The following THSD4 variants were observed in gnomAD, a reference collection of about 807,000 sequenced individuals.
THSD4 encodes the protein thrombospondin type 1 domain containing 4.
In THSD4, 69 loss-of-function variants were observed where a neutral mutation model predicts 119.0. The ratio of observed to expected loss-of-function variants is 0.58; its 90% CI spans 0.48 to 0.71. The LOEUF (loss-of-function observed/expected upper bound fraction) is 0.71. THSD4 is among the 30% of genes least tolerant of loss of function. The pLI, the probability that THSD4 is intolerant of heterozygous loss-of-function variation, is 0.00. For synonymous variants in THSD4, 524 were observed against 540.4 expected (o/e 0.97, Z 0.42); for missense variants, 1,393 against 1,391.1 (o/e 1.00, Z -0.02).
At chr15:71,434,399 CAG>C (rs2046980667) in intron 7 of THSD4, among the ~76,000 whole-genome samples, 1 of 138,884 alleles carries the variant, frequency 7.2e-6, no homozygotes, top group Non-Finnish European at 1.5e-5. Flanking sequence ...ATGAGGAAGA[CAG>C]GGAATCCCAA....
chr15:71,724,287 A>ATTTTTTTT (rs1555445828), intron 8 of THSD4, among the ~76,000 whole-genome samples: 1 of 37,276 alleles, frequency 2.7e-5, no homozygotes, highest in Non-Finnish European at 6.1e-5. Context: ...ATATATATAT[A>ATTTTTTTT]TTTTTTTTTT....
intron 6 of THSD4, among the ~76,000 whole-genome samples, chr15:71,330,603 A>G (rs183032557): frequency 1.9e-4 from 29 of 152,316 alleles, no homozygotes; most frequent in South Asian, 6.2e-4. Context: ...ATTAGATGAC[A>G]TAAGGCATGT....
intron 17 of THSD4, among the ~76,000 whole-genome samples, chr15:71,775,696 G>A (rs1238623197): frequency 1.3e-5 from 2 of 152,138 alleles, no homozygotes; most frequent in African/African-American, 4.8e-5. Context: ...GGGTGATACA[G>A]CGAGACTCCG....
At chr15:71,394,628 C>T (rs1419723344) in intron 6 of THSD4, among the ~76,000 whole-genome samples, 1 of 152,178 alleles carries the variant, frequency 6.6e-6, no homozygotes, top group Non-Finnish European at 1.5e-5. Flanking sequence ...GGTGCTACTG[C>T]TTGGGATGTC....
intron 7 of THSD4, among the ~76,000 whole-genome samples, chr15:71,592,160 G>A (rs1003756255): frequency 2.0e-5 from 3 of 152,232 alleles, no homozygotes; most frequent in Non-Finnish European, 4.4e-5. Flanking sequence ...AAAGAGAAAA[G>A]TACACACATT....
intron 14 of THSD4, among the ~76,000 whole-genome samples, chr15:71,751,813 A>T (rs2053453394): frequency 1.3e-5 from 2 of 152,100 alleles, no homozygotes; most frequent in Admixed American, 1.3e-4. Context: ...GATTACAGTT[A>T]TAAGCCTCCA....
chr15:71,609,851 CAAAAAAAA>C (rs369430349), intron 7 of THSD4, among the ~76,000 whole-genome samples: 1 of 115,592 alleles, frequency 8.7e-6, no homozygotes, highest in Non-Finnish European at 1.7e-5. Context: ...GACTCCGTCT[CAAAAAAAA>C]AAAAAAAAGA....
chr15:71,429,164 G>A (rs757281110), intron 7 of THSD4, among the ~76,000 whole-genome samples: 10 of 152,178 alleles, frequency 6.6e-5, no homozygotes, highest in East Asian at 1.9e-4. Context: ...TGTAAAATGC[G>A]TGACACAGGA....
At chr15:71,314,071 G>A (rs1368094526) in intron 6 of THSD4, among the ~76,000 whole-genome samples, 1 of 152,188 alleles carries the variant, frequency 6.6e-6, no homozygotes, top group East Asian at 1.9e-4. Flanking sequence ...TTTCTCAGTG[G>A]TTTGAGAATG....
At chr15:71,492,856 G>A (rs1319923139) in intron 7 of THSD4, among the ~76,000 whole-genome samples, 1 of 151,326 alleles carries the variant, frequency 6.6e-6, no homozygotes, top group South Asian at 2.1e-4. Flanking sequence ...TATTACTGAA[G>A]CATGCCACAT....
intron 7 of THSD4, among the ~76,000 whole-genome samples, chr15:71,641,664 G>C (rs2140964350): frequency 6.6e-6 from 1 of 152,204 alleles, no homozygotes; most frequent in East Asian, 1.9e-4. Flanking sequence ...GATTTTCACT[G>C]TTTTAACAGT....
chr15:71,736,165 CTCTG>C, intron 10 of THSD4, among the ~76,000 whole-genome samples: 8 of 150,106 alleles, frequency 5.3e-5, no homozygotes, highest in East Asian at 2.0e-4. Context: ...TGCTCTCTGT[CTCTG>C]TCTCTCTCAC....
chr15:71,665,900 C>T (rs1303636680), intron 8 of THSD4, among the ~76,000 whole-genome samples: 1 of 152,206 alleles, frequency 6.6e-6, no homozygotes, highest in East Asian at 1.9e-4. Flanking sequence ...GTTTTGATTA[C>T]CGTAGCCCTG....
intron 6 of THSD4, among the ~76,000 whole-genome samples, chr15:71,325,202 G>C (rs918055817): frequency 6.6e-6 from 1 of 152,112 alleles, no homozygotes; most frequent in Non-Finnish European, 1.5e-5. Context: ...GATTTGACTT[G>C]TCATGCCCAA....
At chr15:71,512,232 G>A (rs2048293894) in intron 7 of THSD4, among the ~76,000 whole-genome samples, 1 of 152,140 alleles carries the variant, frequency 6.6e-6, no homozygotes, top group African/African-American at 2.4e-5. Context: ...GAGGGTTAAT[G>A]CAAATCTGTG....
In THSD4 at chr15:71,777,519, G is replaced by A. The variant is rs1314512832; in HGVS notation, c.*145G>A. 2 of 1,133,336 alleles carry A rather than the reference G, an allele frequency of 1.8e-6. No individual in the cohort carries two copies. Among genetic ancestry groups the A allele is most frequent in the East Asian group, 5.1e-5 (2 of 38,888 alleles). The allele number at this position is 1,133,336 out of a possible 1,614,324, so 70.2% of individuals were successfully genotyped here. A position where few individuals can be genotyped will look rare whatever the true frequency, so the allele number is the denominator to read the frequency against. On this transcript the variant is annotated 3_prime_UTR_variant, in exon 18 of 18. Transcript: ENST00000261862. ...GTCACCACCCCTGCCTCCGGTGAAT[G>A]CACCCCGTGGTACCCAGGGGCTTTT...
intron 7 of THSD4, among the ~76,000 whole-genome samples, chr15:71,474,057 T>C (rs1566997411): frequency 6.6e-6 from 1 of 152,114 alleles, no homozygotes; most frequent in South Asian, 2.1e-4. Flanking sequence ...ACCTCATCCA[T>C]GGTCAGGCCT....
At chr15:71,619,544 G>C (rs2050383517) in intron 7 of THSD4, among the ~76,000 whole-genome samples, 1 of 152,144 alleles carries the variant, frequency 6.6e-6, no homozygotes, top group South Asian at 2.1e-4. Flanking sequence ...AATCCTTGCT[G>C]GATGACTTAT....
chr15:71,222,118 T>C (rs2043979956), intron 4 of THSD4, among the ~76,000 whole-genome samples: 2 of 152,216 alleles, frequency 1.3e-5, no homozygotes, highest in Non-Finnish European at 2.9e-5. Context: ...AGGGTGGATT[T>C]CTTCCCATTC....
Sources: gnomAD v4.1 joint callset for allele counts (sites outside exome capture counted in the v4.1 genomes callset) on GRCh38, gnomAD v4.1.1 for gene constraint, MANE v1.5 for transcripts, NCBI Gene and HGNC (gene_info 2026-07-23, HGNC 2026-07-21) for gene names.